Variants in TNC observed in about 807,000 individuals in gnomAD.
TNC encodes the protein tenascin C, also known as tenascin.
In TNC, 109 loss-of-function variants were observed where a neutral mutation model predicts 202.4. That is an observed-to-expected ratio of 0.54 (90% CI 0.46 to 0.63). The LOEUF is 0.63. TNC is among the 30% of genes least tolerant of loss of function. TNC has a pLI of 0.00. For synonymous variants in TNC, 1,007 were observed against 1,089.7 expected (o/e 0.92, Z 1.50); for missense variants, 2,756 against 2,833.3 (o/e 0.97, Z 0.62).
intron 15 of TNC, among the ~76,000 whole-genome samples, chr9:115,051,544 T>G (rs1420774209): frequency 6.6e-6 from 1 of 151,480 alleles, no homozygotes; most frequent in African/African-American, 2.4e-5. Context: ...TTTCTTTTTT[T>G]TTTTTTTCTG....
At chr9:115,077,710 G>T (rs1168153526) in intron 7 of TNC, among the ~76,000 whole-genome samples, 8 of 152,134 alleles carry the variant, frequency 5.3e-5, no homozygotes, top group Non-Finnish European at 1.2e-4. Flanking sequence ...TATCAGACCA[G>T]CATCTTCTAC....
chr9:115,084,395 C>T lies in TNC; in HGVS notation c.1945G>A (p.Val649Ile). 6 of 1,614,208 alleles carry T rather than the reference C, an allele frequency of 3.7e-6. No individual in the cohort carries two copies. Among genetic ancestry groups the T allele is most frequent in the Non-Finnish European group, 5.1e-6 (6 of 1,180,042 alleles). ...VNLAWDNEMRVTEYLVVYTPT... is the reference protein window; with the variant it reads ...VNLAWDNEMRITEYLVVYTPT... Reference sequence around the variant, plus strand: ...GTGTACACGACAAGGTACTCTGTGACCCGCATCTCATTGTCCCAGGCCAGG... The same window carrying T: ...GTGTACACGACAAGGTACTCTGTGATCCGCATCTCATTGTCCCAGGCCAGG... Residue 649 changes from valine (V) to isoleucine (I), a missense_variant, in exon 4 of 28, where the codon GTC (valine) becomes ATC (isoleucine). Physicochemically the swap from Val to Ile is conservative, Grantham distance 29. Coordinates refer to ENST00000350763, the MANE Select transcript of TNC (RefSeq NM_002160.4).
Position 115,063,887 on chromosome 9 carries a change from A to G in TNC, c.3669T>C (p.Pro1223=). Residue 1223 remains proline (P), a synonymous_variant, in exon 12 of 28, where the codon CCT becomes CCC. Transcript: ENST00000350763. ...TATAATGAGTGGCTGCTTTGAGCCCAGGCAGGTCTGTGGACCTCAGTCCTC... is the reference window on the plus strand; with the variant it reads ...TATAATGAGTGGCTGCTTTGAGCCCGGGCAGGTCTGTGGACCTCAGTCCTC... The part of the protein sequence containing the change: ...VPGGLRSTDL[P]GLKAATHYTI... The G allele has an allele frequency of 6.2e-7, 1 of 1,614,208 alleles. No individual in the cohort carries two copies. Among genetic ancestry groups the G allele is most frequent in the Non-Finnish European group, 8.5e-7 (1 of 1,180,028 alleles).
At chr9:115,093,480 C>G (rs1250277335) in intron 1 of TNC, among the ~76,000 whole-genome samples, 1 of 152,204 alleles carries the variant, frequency 6.6e-6, no homozygotes, top group Non-Finnish European at 1.5e-5. Context: ...GGCATGTTCT[C>G]TCCTTTCAAA....
At chr9:115,077,768 T>A (rs879736441) in intron 7 of TNC, among the ~76,000 whole-genome samples, 175 bp downstream of exon 7, 10 of 152,244 alleles carry the variant, frequency 6.6e-5, no homozygotes, top group Non-Finnish European at 1.3e-4. Flanking sequence ...TTTGGAATTT[T>A]TTTTGAAAAA....
Position 115,081,787 on chromosome 9 carries a change from TC to T in TNC, c.2388del (p.Arg797GlyfsTer2). 6.2e-7 allele frequency: 1 copy of T among 1,613,982 alleles called. No homozygotes were observed. Among genetic ancestry groups the T allele is most frequent in the East Asian group, 2.2e-5 (1 of 44,884 alleles). On this transcript the variant is annotated frameshift_variant, in exon 6 of 28. Coordinates refer to ENST00000350763, the MANE Select transcript of TNC (RefSeq NM_002160.4). LOFTEE classifies it high-confidence loss of function. ...TGATACTCACGTGTGGTGGTCACCC[TC>T]TTCAGGCCAGGGCCCCGGGTATTGT... is the stretch of plus-strand genomic sequence containing the variant. Reference protein sequence around the residue: ...VKNNTRGPGLKRVTTTRLDAP... With the variant: ...VKNNTRGPGLXRVTTTRLDAP...
At chr9:115,046,354 G>C in intron 17 of TNC, 56 bp downstream of exon 17, 1 of 1,587,120 alleles carries the variant, frequency 6.3e-7, no homozygotes, top group Non-Finnish European at 8.6e-7. Flanking sequence ...AGCCCTGTGA[G>C]AAGAAGACCC....
At chr9:115,035,698 A>G (rs184147973) in intron 21 of TNC, 1 of 260,816 alleles carries the variant, frequency 3.8e-6, no homozygotes, top group South Asian at 9.0e-5. Flanking sequence ...CCTGCTTGCT[A>G]TAGTTTGTAA....
At chr9:115,069,865 T>C in intron 10 of TNC, among the ~76,000 whole-genome samples, 1 of 145,032 alleles carries the variant, frequency 6.9e-6, no homozygotes. Context: ...CCTTCCTTCC[T>C]TTTCTATCCA....
chr9:115,112,519 T>C (rs1245490966), intron 1 of TNC: 1 of 152,202 alleles, frequency 6.6e-6, no homozygotes, highest in Non-Finnish European at 1.5e-5. Context: ...TAAAATCCAG[T>C]CTGCAAGATT....
chr9:115,098,180 G>A lies in TNC; in HGVS notation c.-136-7026C>T, dbSNP rs10982530. On this transcript the variant is annotated intron_variant, in intron 1 of 27. Transcript: ENST00000350763. ...ATTGCCTTGGTGTTAAATGTTATCA[G>A]TGTTGAATCATTTCTTCAGATTTTG... Among the ~76,000 whole-genome samples the A allele has an allele frequency of 9.6e-3, 1,461 of 152,302 alleles. 58 individuals carry two copies. In the East Asian group the frequency reaches 0.11, roughly 12 times the overall value.
At chr9:115,030,724 A>G (rs975774246) in intron 23 of TNC, among the ~76,000 whole-genome samples, 2 of 152,208 alleles carry the variant, frequency 1.3e-5, no homozygotes, top group African/African-American at 4.8e-5. Context: ...AGCATCTGGC[A>G]TAAGATCTGG....
rs142272539 is a variant in TNC, at chr9:115,026,592, G to A, written c.6273C>T (p.Ser2091=). 6.3e-4 allele frequency: 1,020 copies of A among 1,613,910 alleles called. No homozygotes were observed. The highest frequency in any genetic ancestry group is 7.7e-4 in the Non-Finnish European group (914 of 1,179,970). Residue 2091 remains serine, a synonymous_variant, in exon 26 of 28, where the codon AGC becomes AGT. Coordinates refer to ENST00000350763, the MANE Select transcript of TNC (RefSeq NM_002160.4). The part of the protein sequence containing the change: ...ETAFAVYDKF[S]VGDAKTRYKL... Reference sequence around the variant, plus strand: ...TGTAGCGAGTCTTGGCATCTCCCACGCTGAACTTGTCATAGACAGCAAAGG... The same window carrying A: ...TGTAGCGAGTCTTGGCATCTCCCACACTGAACTTGTCATAGACAGCAAAGG...
chr9:115,081,716 G>T, intron 6 of TNC, 56 bp downstream of exon 6: 1 of 1,592,412 alleles, frequency 6.3e-7, no homozygotes, highest in African/African-American at 1.3e-5. Context: ...CAACCAGGAG[G>T]TGCTATGAGG....
chr9:115,041,315 A>AGGG (rs1830737472), intron 18 of TNC, among the ~76,000 whole-genome samples: 1 of 122,736 alleles, frequency 8.1e-6, no homozygotes, highest in Non-Finnish European at 1.7e-5. Context: ...GGGGCGGGGG[A>AGGG]AAACATGAAG....
At chr9:115,042,376 C>G (rs914866017) in intron 17 of TNC, 35 bp from the exon 18 acceptor site, 1 of 1,610,854 alleles carries the variant, frequency 6.2e-7, no homozygotes, top group Non-Finnish European at 8.5e-7. Context: ...AGCCCAGAAA[C>G]AGTTAACTGT....
intron 26 of TNC, among the ~76,000 whole-genome samples, chr9:115,025,628 G>T (rs538143247): frequency 6.6e-6 from 1 of 151,818 alleles, no homozygotes; most frequent in Non-Finnish European, 1.5e-5. Flanking sequence ...CCTTCTACAA[G>T]CTGTTTTACC....
chr9:115,053,032 G>C (rs765232860), intron 15 of TNC: 10 of 693,230 alleles, frequency 1.4e-5, no homozygotes, highest in South Asian at 8.9e-5. Context: ...AAGGAATATG[G>C]GCAGAGAGAA....
rs1834760145 is a variant in TNC, at chr9:115,086,607, T to A, written c.1124A>T (p.Lys375Met). ...EGFAGVDCSE[K>M]RCPADCHNRG... is the part of the protein sequence containing the mutation. ...ATTGTGACAGTCAGCAGGACACCTCTTCTCGCTGCAGTCCACACCGGCAAA... is the reference window on the plus strand; with the variant it reads ...ATTGTGACAGTCAGCAGGACACCTCATCTCGCTGCAGTCCACACCGGCAAA... The change falls in exon 3 of 28, where the codon AAG becomes ATG. Residue 375 changes from lysine to methionine, a missense_variant. Transcript: ENST00000350763. 6.2e-7 allele frequency: 1 copy of A among 1,613,944 alleles called. No individual in the cohort carries two copies.
Sources: gnomAD v4.1 joint callset for allele counts (sites outside exome capture counted in the v4.1 genomes callset) on GRCh38, gnomAD v4.1.1 for gene constraint, MANE v1.5 for transcripts, NCBI Gene and HGNC (gene_info 2026-07-23, HGNC 2026-07-21) for gene names.